Variants in FAM193B observed in about 807,000 individuals in gnomAD.
FAM193B encodes the protein family with sequence similarity 193 member B, also known as protein FAM193B.
A neutral mutation model predicts 70.7 loss-of-function variants in FAM193B; 27 were observed. The ratio of observed to expected loss-of-function variants is 0.38; its 90% confidence interval spans 0.28 to 0.53. FAM193B has a LOEUF of 0.53. FAM193B is among the 20% of genes least tolerant of loss of function. FAM193B has a pLI of 0.81. For synonymous variants in FAM193B, 448 were observed against 436.0 expected (o/e 1.03, Z -0.34); for missense variants, 1,022 against 1,072.5 (o/e 0.95, Z 0.66).
At chr5:177,550,620 G>A (rs967488277) in intron 1 of FAM193B, among the ~76,000 whole-genome samples, 5 of 152,180 alleles carry the variant, frequency 3.3e-5, no homozygotes, top group African/African-American at 1.2e-4. Context: ...CCAACTGCTG[G>A]CTTACATCCT....
At position 177,530,093 on chromosome 5, in the gene FAM193B, C is replaced by G. The variant is rs1376610311; in HGVS notation, c.1275+2350G>C. Among the ~76,000 whole-genome samples, 4 of 152,246 alleles carry G rather than the reference C, an allele frequency of 2.6e-5. No individual in the cohort carries two copies. In the South Asian group the frequency reaches 8.3e-4, roughly 32 times the overall value. On this transcript the variant is annotated intron_variant, in intron 5 of 8. Transcript: ENST00000514747. ...CTGGGCTCCTAAACGTGTCACTGTG[C>G]AGATGCAGTTGGGAGTAGGCAGGTG...
intron 1 of FAM193B, 24 bp downstream of exon 1, chr5:177,554,225 C>T (rs1302062074): frequency 1.3e-6 from 2 of 1,489,790 alleles, no homozygotes; most frequent in East Asian, 2.8e-5. Flanking sequence ...CCCGAGCCGC[C>T]GAAGTCTCCC....
intron 1 of FAM193B, chr5:177,553,436 C>G: frequency 9.4e-7 from 1 of 1,064,020 alleles, no homozygotes; most frequent in Non-Finnish European, 1.1e-6. Context: ...AGTGCCACAA[C>G]CCTCCCAGAG....
Position 177,536,808 on chromosome 5 carries a change from C to G in FAM193B, c.689-63G>C, listed in dbSNP as rs553350008. ...GCCCAGACCTGGGAAGGAAAGCCCA[C>G]AGGCTCACTGCCACAGCATCCTGCT... is the stretch of plus-strand genomic sequence containing the variant. On this transcript the variant is annotated intron_variant, in intron 3 of 8. Coordinates refer to ENST00000514747, the MANE Select transcript of FAM193B (RefSeq NM_001190946.3). The G allele has an allele frequency of 9.4e-5, 143 of 1,523,686 alleles. 1 individual carries two copies. Among genetic ancestry groups the G allele is most frequent in the Non-Finnish European group, 1.2e-4 (133 of 1,137,752 alleles). 94.4% of individuals were successfully genotyped at this position (1,523,686 alleles called of 1,614,324 possible).
At chr5:177,530,584 C>T (rs1419678200) in intron 5 of FAM193B, among the ~76,000 whole-genome samples, 2 of 152,222 alleles carry the variant, frequency 1.3e-5, no homozygotes, top group African/African-American at 4.8e-5. Flanking sequence ...TGGAATCCTC[C>T]AAGCTACCTT....
chr5:177,525,343 A>C, intron 5 of FAM193B, 138 bp from the exon 6 acceptor site: 1 of 878,494 alleles, frequency 1.1e-6, no homozygotes, highest in Non-Finnish European at 1.6e-6. Flanking sequence ...CTGCTTACCC[A>C]CCCTGCAGGA....
intron 7 of FAM193B, chr5:177,522,942 T>A: frequency 6.4e-6 from 1 of 155,278 alleles, no homozygotes; most frequent in East Asian, 1.9e-4. Context: ...CTAGAACTCC[T>A]GACCTCAAGT....
At chr5:177,540,387 A>C (rs957015048) in intron 1 of FAM193B, among the ~76,000 whole-genome samples, 2 of 152,004 alleles carry the variant, frequency 1.3e-5, no homozygotes, top group Non-Finnish European at 2.9e-5. Flanking sequence ...TGGGAGACTG[A>C]TTACATTTAA....
At chr5:177,543,493 G>A (rs1374770776) in intron 1 of FAM193B, among the ~76,000 whole-genome samples, 3 of 152,206 alleles carry the variant, frequency 2.0e-5, no homozygotes, top group African/African-American at 4.8e-5. Context: ...CCTTCTTTGA[G>A]GCCCAGGCAG....
intron 5 of FAM193B, among the ~76,000 whole-genome samples, chr5:177,528,503 A>G (rs1762965307): frequency 1.3e-5 from 2 of 152,310 alleles, no homozygotes; most frequent in South Asian, 4.1e-4. Flanking sequence ...AGGCTAAGCT[A>G]GACCAGGAGC....
chr5:177,545,614 T>C (rs1037695931), intron 1 of FAM193B, among the ~76,000 whole-genome samples: 1 of 148,850 alleles, frequency 6.7e-6, no homozygotes, highest in African/African-American at 2.5e-5. Flanking sequence ...TGAGCCAAGA[T>C]TGCACCATTG....
chr5:177,528,752 T>C (rs1763006759), intron 5 of FAM193B, among the ~76,000 whole-genome samples: 1 of 152,080 alleles, frequency 6.6e-6, no homozygotes, highest in African/African-American at 2.4e-5. Context: ...AGAAGGACTG[T>C]GGGGAATGGA....
chr5:177,532,166 C>T lies in FAM193B; in HGVS notation c.1275+277G>A. 6.9e-7 allele frequency: 1 copy of T among 1,452,358 alleles called. No homozygotes were observed. The highest frequency in any genetic ancestry group is 9.1e-7 in the Non-Finnish European group (1 of 1,094,308). The allele number at this position is 1,452,358 out of a possible 1,614,324, so 90.0% of individuals were successfully genotyped here. ...CACACGTATACATACTCATCAGAAT[C>T]ATAGCTTTCTCTCTGCCATTTCCTT... On this transcript the variant is annotated intron_variant, in intron 5 of 8. Coordinates refer to ENST00000514747, the MANE Select transcript of FAM193B (RefSeq NM_001190946.3). This position sits in a 1 kb window ranked among gnomAD's most constrained non-coding sequence, Gnocchi z 4.9.
chr5:177,531,159 A>T, intron 5 of FAM193B: 1 of 1,086,506 alleles, frequency 9.2e-7, no homozygotes, highest in Non-Finnish European at 1.2e-6. Flanking sequence ...AGACCTTCCC[A>T]GAACAGTGAG....
rs1381114504 is a variant in FAM193B at position 177,519,881 on chromosome 5, CAAAA to C, written c.*298_*301del. On this transcript the variant is annotated 3_prime_UTR_variant, in exon 9 of 9. Transcript: ENST00000514747. ...GAAAAAAACAAAATAAAAACAAAAACAAAAAAACCAAACACAAAGAGAGCAGTGT... is the reference window on the plus strand; with the variant it reads ...GAAAAAAACAAAATAAAAACAAAAACAAACCAAACACAAAGAGAGCAGTGT... 6.6e-6 allele frequency: 1 copy of C among 152,314 alleles called. No individual in the cohort carries two copies. The highest frequency in any genetic ancestry group is 2.1e-4 in the South Asian group (1 of 4,824). 9.4% of individuals were successfully genotyped at this position (152,314 alleles called of 1,614,324 possible). A position where few individuals can be genotyped will look rare whatever the true frequency, so the allele number is the denominator to read the frequency against.
Position 177,538,115 on chromosome 5 carries a change from A to T in FAM193B, c.454-8T>A, listed in dbSNP as rs1335572635. The T allele has an allele frequency of 1.8e-5, 28 of 1,530,820 alleles. No homozygotes were observed. The highest frequency in any genetic ancestry group is 2.4e-5 in the Non-Finnish European group (27 of 1,131,574). The allele number at this position is 1,530,820 out of a possible 1,614,324, so 94.8% of individuals were successfully genotyped here. On this transcript the variant is annotated splice_region_variant and splice_polypyrimidine_tract_variant and intron_variant, in intron 2 of 8. Transcript: ENST00000514747. This position sits in a 1 kb window ranked among gnomAD's most constrained non-coding sequence, Gnocchi z 4.1. ...TGTGTGTGACAAGGAGATCTGGAGAAGGGGGAGGAAAAAGGCTCACGGTCA... is the reference window on the plus strand; with the variant it reads ...TGTGTGTGACAAGGAGATCTGGAGATGGGGGAGGAAAAAGGCTCACGGTCA...
At chr5:177,529,308 T>C (rs1021997430) in intron 5 of FAM193B, among the ~76,000 whole-genome samples, 1 of 151,700 alleles carries the variant, frequency 6.6e-6, no homozygotes, top group African/African-American at 2.4e-5. Context: ...CTGAGCTCTT[T>C]CCATTTCCTG....
In FAM193B at chr5:177,554,253, G is replaced by A; in HGVS notation, c.206C>T (p.Pro69Leu). Reference protein sequence around the residue: ...EDDEPNLVPGPQVPPASSQPV... With the variant: ...EDDEPNLVPGLQVPPASSQPV... The stretch of plus-strand genomic sequence containing the variant: ...AGTCTCCCCGCTCGCTCCTACCTGC[G>A]GGCCGGGCACCAGGTTGGGTTCGTC... Residue 69 changes from proline to leucine, a missense_variant, in exon 1 of 9, where the codon CCG (proline) becomes CTG (leucine). Coordinates refer to ENST00000514747, the MANE Select transcript of FAM193B (RefSeq NM_001190946.3). The A allele has an allele frequency of 6.8e-7, 1 of 1,480,926 alleles. No homozygotes were observed. The highest frequency in any genetic ancestry group is 8.9e-7 in the Non-Finnish European group (1 of 1,119,650). 91.7% of individuals were successfully genotyped at this position (1,480,926 alleles called of 1,614,324 possible).
At chr5:177,543,970 T>C (rs1482046977) in intron 1 of FAM193B, among the ~76,000 whole-genome samples, 1 of 152,248 alleles carries the variant, frequency 6.6e-6, no homozygotes, top group Non-Finnish European at 1.5e-5. Flanking sequence ...CCAGCAGCCC[T>C]GGGCAGCAGC....
Sources: gnomAD v4.1 joint callset for allele counts (sites outside exome capture counted in the v4.1 genomes callset) on GRCh38, gnomAD v4.1.1 for gene constraint, Gnocchi (gnomAD v3.1) non-coding constraint, MANE v1.5 for transcripts, NCBI Gene and HGNC (gene_info 2026-07-23, HGNC 2026-07-21) for gene names.